MTA3: variants seen among roughly 807,000 people sequenced by gnomAD.
MTA3 encodes the protein metastasis associated 1 family member 3, also known as metastasis-associated protein MTA3.
Under a neutral mutation model 83.5 loss-of-function variants are expected in MTA3, and 34 were observed. The observed-to-expected ratio is 0.41, with a 90% CI of 0.31 to 0.54. The LOEUF (loss-of-function observed/expected upper bound fraction) is 0.54. Among genes scored for constraint, MTA3 ranks in the 20% least tolerant of loss-of-function variants. The probability of loss-of-function intolerance (pLI) is 0.33; values close to 1 mark genes in which losing one functional copy is unlikely to be tolerated. For synonymous variants in MTA3, 303 were observed against 252.7 expected, an observed-to-expected ratio of 1.20 and a Z score of -1.89; for missense variants, 761 against 726.4, an observed-to-expected ratio of 1.05 and a Z score of -0.55.
chr2:42,562,602 G>T (rs1677718222), intron 2 of MTA3, among the ~76,000 whole-genome samples: 1 of 152,146 alleles, frequency 6.6e-6, no homozygotes. Context: ...CCCACACTCT[G>T]CCTATTTGCA....
chr2:42,708,854 G>C lies in MTA3; in HGVS notation c.1303-20G>C. ...GGCAAGTTCACTTCCTTGAGTGTTT[G>C]TTGTTTTCTGATTTTGCAGGACCCT... On this transcript the variant is annotated intron_variant, in intron 13 of 16. Transcript: ENST00000405094. 1 of 1,613,186 alleles carries C rather than the reference G, an allele frequency of 6.2e-7. No homozygotes were observed. Among genetic ancestry groups the C allele is most frequent in the Non-Finnish European group, 8.5e-7 (1 of 1,179,472 alleles).
chr2:42,502,129 G>C (rs1053335469), intron 2 of MTA3, among the ~76,000 whole-genome samples: 7 of 151,478 alleles, frequency 4.6e-5, no homozygotes, highest in African/African-American at 1.7e-4. Context: ...ACCTGAAAAG[G>C]GGGGACATCT....
intron 6 of MTA3, among the ~76,000 whole-genome samples, chr2:42,647,982 A>G (rs905426665): frequency 6.6e-6 from 1 of 152,170 alleles, no homozygotes; most frequent in Admixed American, 6.5e-5. Flanking sequence ...CTGGGATTAC[A>G]GGTGCCTGCC....
intron 13 of MTA3, 64 bp from the exon 14 acceptor site, chr2:42,708,810 G>T: frequency 6.5e-7 from 1 of 1,541,174 alleles, no homozygotes; most frequent in Non-Finnish European, 8.9e-7. Context: ...TGAGCATGAT[G>T]CAAACAGTAA....
intron 3 of MTA3, among the ~76,000 whole-genome samples, chr2:42,585,979 T>C (rs1160275951): frequency 6.6e-6 from 1 of 151,902 alleles, no homozygotes; most frequent in Non-Finnish European, 1.5e-5. Context: ...AATAACTTCC[T>C]GACAAATAAA....
chr2:42,537,862 T>A (rs182719439), intron 2 of MTA3, among the ~76,000 whole-genome samples: 24 of 152,270 alleles, frequency 1.6e-4, no homozygotes, highest in Middle Eastern at 6.8e-3. Context: ...TTAGGAGATA[T>A]ATGTTGAGGT....
intron 11 of MTA3, 25 bp downstream of exon 11, chr2:42,697,859 T>A (rs1200537309): frequency 1.4e-6 from 2 of 1,461,900 alleles, no homozygotes; most frequent in Non-Finnish European, 1.8e-6. Context: ...TCTTTTAAAA[T>A]ATTTGTTTTG....
intron 2 of MTA3, among the ~76,000 whole-genome samples, chr2:42,536,067 C>G (rs1676214611): frequency 6.6e-6 from 1 of 151,646 alleles, no homozygotes; most frequent in South Asian, 2.1e-4. Flanking sequence ...CTGCAGTAAG[C>G]TATGTTCATG....
At chr2:42,753,338 T>A in intron 16 of MTA3, 36 bp from the exon 17 acceptor site, 1 of 1,550,392 alleles carries the variant, frequency 6.4e-7, no homozygotes. Context: ...CCATCGGGAC[T>A]TGTTTAACCT....
chr2:42,645,058 A>G (rs1357956554), intron 6 of MTA3, among the ~76,000 whole-genome samples: 1 of 152,124 alleles, frequency 6.6e-6, no homozygotes, highest in African/African-American at 2.4e-5. Flanking sequence ...AAGATAGGCT[A>G]AAAGCCACGC....
At chr2:42,594,728 A>ATATTTTTTTTTTTT in intron 3 of MTA3, among the ~76,000 whole-genome samples, 3 of 24,044 alleles carry the variant, frequency 1.2e-4, no homozygotes, top group African/African-American at 4.5e-4. Context: ...ATATATATAT[A>ATATTTTTTTTTTTT]TTTTTTTTTT....
At chr2:42,750,172 G>A (rs540312911) in intron 16 of MTA3, among the ~76,000 whole-genome samples, 1 of 152,030 alleles carries the variant, frequency 6.6e-6, no homozygotes, top group Admixed American at 6.5e-5. Context: ...TGTATTTTTA[G>A]TAGAGACGGG....
intron 15 of MTA3, among the ~76,000 whole-genome samples, chr2:42,720,302 C>T (rs1204381191): frequency 6.6e-6 from 1 of 152,124 alleles, no homozygotes; most frequent in Non-Finnish European, 1.5e-5. Context: ...CCTGCCTCAG[C>T]CTCCTGAGTA....
intron 4 of MTA3, among the ~76,000 whole-genome samples, chr2:42,622,630 G>A (rs974938423): frequency 2.6e-5 from 4 of 151,690 alleles, no homozygotes; most frequent in East Asian, 1.9e-4. Flanking sequence ...AGGTATAAAC[G>A]TAAAGGAATC....
chr2:42,500,873 T>C (rs911489025), intron 2 of MTA3, among the ~76,000 whole-genome samples: 1 of 149,800 alleles, frequency 6.7e-6, no homozygotes, highest in African/African-American at 2.5e-5. Flanking sequence ...TGTGGTGGCG[T>C]GATCTCGGCT....
intron 2 of MTA3, among the ~76,000 whole-genome samples, chr2:42,578,128 C>T (rs962717480): frequency 2.0e-5 from 3 of 152,120 alleles, no homozygotes; most frequent in Non-Finnish European, 4.4e-5. Context: ...CACTTATATT[C>T]TTCTTTGTAT....
intron 2 of MTA3, among the ~76,000 whole-genome samples, chr2:42,549,449 A>AATATATATACATATT (rs1676984363): frequency 2.3e-5 from 1 of 42,580 alleles, no homozygotes; most frequent in South Asian, 1.3e-3. Flanking sequence ...GTATACATAT[A>AATATATATACATATT]ATATATTATA....
intron 2 of MTA3, among the ~76,000 whole-genome samples, chr2:42,512,691 A>G (rs1471299084): frequency 6.6e-6 from 1 of 152,160 alleles, no homozygotes; most frequent in Non-Finnish European, 1.5e-5. Flanking sequence ...TTTCTCCTCT[A>G]GATAACAGTG....
At chr2:42,710,061 C>A (rs1004372870) in intron 14 of MTA3, among the ~76,000 whole-genome samples, 1 of 152,032 alleles carries the variant, frequency 6.6e-6, no homozygotes, top group African/African-American at 2.4e-5. Flanking sequence ...TGCTGTCTGG[C>A]CTAACAGATA....
Sources: gnomAD v4.1 joint callset for allele counts (sites outside exome capture counted in the v4.1 genomes callset) on GRCh38, gnomAD v4.1.1 for gene constraint, MANE v1.5 for transcripts, NCBI Gene and HGNC (gene_info 2026-07-23, HGNC 2026-07-21) for gene names.